The following PTCSC3 variants were observed in gnomAD, a reference collection of about 807,000 sequenced individuals.
The protein encoded by PTCSC3 is papillary thyroid carcinoma susceptibility candidate 3 (non-protein coding).
At position 36,155,027 on chromosome 14, in the gene PTCSC3, C is replaced by T. The variant is rs956914857; in HGVS notation, n.232-1133G>A. 4.6e-5 allele frequency among the ~76,000 whole-genome samples: 7 copies of T among 152,162 alleles called. No individual in the cohort carries two copies. In the East Asian group the frequency reaches 1.4e-3, roughly 29 times the overall value. On this transcript the variant is annotated intron_variant and non_coding_transcript_variant, in intron 2 of 3. Transcript: ENST00000556013. ...ATGAGTATTATATTCTCTGCTGGAGCTTTTTCTCCTTTAAGGTGAGTTTTC... is the reference window on the plus strand; with the variant it reads ...ATGAGTATTATATTCTCTGCTGGAGTTTTTTCTCCTTTAAGGTGAGTTTTC...
chr14:36,174,054 G>T (rs557922785), intron 1 of PTCSC3, among the ~76,000 whole-genome samples: 1 of 151,832 alleles, frequency 6.6e-6, no homozygotes, highest in East Asian at 1.9e-4. Context: ...TAGCTCTAAC[G>T]TGCCTAGGTG....
Position 36,154,560 on chromosome 14 carries a change from C to T in PTCSC3, n.232-666G>A, listed in dbSNP as rs1433274015. ...ATATTACTTACTATCACTCTAGGAA[C>T]TGTGTGAAAGATGGGTTGGGGAGAG... On this transcript the variant is annotated intron_variant and non_coding_transcript_variant, in intron 2 of 3. Transcript: ENST00000556013. Among the ~76,000 whole-genome samples, 3 of 152,166 alleles carry T rather than the reference C, an allele frequency of 2.0e-5. No individual in the cohort carries two copies. In the East Asian group the frequency reaches 5.8e-4, roughly 29 times the overall value.
chr14:36,152,764 G>A (rs986579127), intron 3 of PTCSC3, among the ~76,000 whole-genome samples: 3 of 151,700 alleles, frequency 2.0e-5, no homozygotes, highest in African/African-American at 7.3e-5. Context: ...CATGGTGGCG[G>A]GCACCTGTAA....
intron 3 of PTCSC3, among the ~76,000 whole-genome samples, chr14:36,150,672 CCTTT>C (rs1363736415): frequency 6.6e-6 from 1 of 152,088 alleles, no homozygotes; most frequent in East Asian, 1.9e-4. Context: ...CATTTTCCCT[CCTTT>C]CTTAGAAATC....
chr14:36,139,384 G>T (rs552608080), intron 3 of PTCSC3, among the ~76,000 whole-genome samples: 26 of 152,250 alleles, frequency 1.7e-4, no homozygotes, highest in African/African-American at 6.3e-4. Flanking sequence ...CTGGAAAATT[G>T]TAATACAGAC....
chr14:36,153,704 T>G (rs1345654764), intron 3 of PTCSC3: 8 of 152,124 alleles, frequency 5.3e-5, no homozygotes, highest in Admixed American at 5.2e-4. Context: ...GTAGAAACAT[T>G]CAGATTCTAA....
At chr14:36,173,833 T>C (rs984899196) in intron 1 of PTCSC3, among the ~76,000 whole-genome samples, 1 of 152,280 alleles carries the variant, frequency 6.6e-6, no homozygotes, top group South Asian at 2.1e-4. Flanking sequence ...AACTCTTGTT[T>C]ACGGAGGCTC....
rs1394182853 is a variant in PTCSC3 at position 36,155,414 on chromosome 14, T to C, written n.232-1520A>G. On this transcript the variant is annotated intron_variant and non_coding_transcript_variant, in intron 2 of 3. Coordinates refer to ENST00000556013, the Ensembl canonical transcript of PTCSC3. ...GGTTGCTACCCCCATGCTCCAAGAG[T>C]TCACAAGTGGTTCTTTAATGCATAC... 4.6e-5 allele frequency among the ~76,000 whole-genome samples: 7 copies of C among 152,084 alleles called. No homozygotes were observed. In the East Asian group the frequency reaches 1.3e-3, roughly 29 times the overall value.
chr14:36,161,252 T>C (rs1347457070), intron 2 of PTCSC3, among the ~76,000 whole-genome samples: 1 of 152,210 alleles, frequency 6.6e-6, no homozygotes, highest in Non-Finnish European at 1.5e-5. Context: ...CTGTCTGCTT[T>C]TGTTCCCTTG....
chr14:36,151,926 GT>G (rs1266571858), intron 3 of PTCSC3, among the ~76,000 whole-genome samples: 2 of 152,182 alleles, frequency 1.3e-5, no homozygotes, highest in African/African-American at 4.8e-5. Flanking sequence ...TGATAAACTG[GT>G]GGGTCTTTTG....
At chr14:36,143,582 C>T (rs1016210434) in intron 3 of PTCSC3, among the ~76,000 whole-genome samples, 50 of 148,586 alleles carry the variant, frequency 3.4e-4, no homozygotes, top group African/African-American at 1.0e-3. Context: ...GAGTAGGTTG[C>T]GAAAATTTTC....
chr14:36,145,072 T>C (rs2139091675), intron 3 of PTCSC3, among the ~76,000 whole-genome samples: 1 of 111,584 alleles, frequency 9.0e-6, no homozygotes, highest in Middle Eastern at 5.1e-3. Flanking sequence ...CCGTATTTTA[T>C]TGAGGATTTT....
At chr14:36,161,180 C>T (rs1243978540) in intron 2 of PTCSC3, among the ~76,000 whole-genome samples, 5 of 152,206 alleles carry the variant, frequency 3.3e-5, no homozygotes, top group African/African-American at 7.2e-5. Context: ...CCTTTAGCTT[C>T]GAGGAGTTTG....
chr14:36,159,688 G>A (rs1309188373), intron 2 of PTCSC3, among the ~76,000 whole-genome samples: 1 of 152,184 alleles, frequency 6.6e-6, no homozygotes, highest in Admixed American at 6.5e-5. Flanking sequence ...TAGAATAAGT[G>A]CTATGTGATG....
intron 3 of PTCSC3, among the ~76,000 whole-genome samples, chr14:36,137,851 C>A (rs1012770516): frequency 6.6e-6 from 1 of 152,020 alleles, no homozygotes; most frequent in East Asian, 1.9e-4. Flanking sequence ...GTGAGACATG[C>A]AAGTGGAGAT....
intron 3 of PTCSC3, among the ~76,000 whole-genome samples, chr14:36,147,561 T>C (rs904382936): frequency 6.6e-6 from 1 of 152,092 alleles, no homozygotes; most frequent in African/African-American, 2.4e-5. Flanking sequence ...TTATACATTC[T>C]TCTAAATTTT....
At chr14:36,149,817 C>T (rs930329099) in intron 3 of PTCSC3, among the ~76,000 whole-genome samples, 1 of 152,056 alleles carries the variant, frequency 6.6e-6, no homozygotes, top group Non-Finnish European at 1.5e-5. Flanking sequence ...CATCTTTCTC[C>T]ATCCCTTTAC....
chr14:36,143,085 C>A (rs1042017142), intron 3 of PTCSC3, among the ~76,000 whole-genome samples: 1 of 151,500 alleles, frequency 6.6e-6, no homozygotes. Flanking sequence ...AGTTCCAAGT[C>A]TTTGCTATTG....
chr14:36,172,307 C>A (rs1882206868), intron 1 of PTCSC3, among the ~76,000 whole-genome samples: 1 of 151,986 alleles, frequency 6.6e-6, no homozygotes, highest in South Asian at 2.1e-4. Flanking sequence ...ACTCTGCCAA[C>A]TAAAAATATA....
Sources: gnomAD v4.1 joint callset for allele counts (sites outside exome capture counted in the v4.1 genomes callset) on GRCh38, gnomAD v4.1.1 for gene constraint, MANE v1.5 for transcripts, NCBI Gene and HGNC (gene_info 2026-07-23, HGNC 2026-07-21) for gene names.